The following ANXA10 variants were observed in gnomAD, a reference collection of about 807,000 sequenced individuals.
The protein encoded by ANXA10 is annexin A10.
Under a neutral mutation model 53.5 loss-of-function variants are expected in ANXA10, and 49 were observed. The observed-to-expected ratio is 0.92, with a 90% CI of 0.73 to 1.16. The LOEUF (loss-of-function observed/expected upper bound fraction) is 1.16, where lower values mean the gene tolerates loss of function less well. ANXA10 is among the 50% of genes most tolerant of loss of function. The pLI is 0.00. For missense variants in ANXA10, 393 were observed against 394.4 expected, an observed-to-expected ratio of 1.00 and a Z score of 0.03; for synonymous variants, 131 against 128.9, an observed-to-expected ratio of 1.02 and a Z score of -0.11.
chr4:168,180,356 G>A (rs1421708511), intron 9 of ANXA10, among the ~76,000 whole-genome samples: 1 of 152,138 alleles, frequency 6.6e-6, no homozygotes, highest in Non-Finnish European at 1.5e-5. Context: ...CAGCTGATTA[G>A]CAGCAAAGTT....
intron 3 of ANXA10, among the ~76,000 whole-genome samples, chr4:168,161,948 A>G (rs1228469059): frequency 6.6e-6 from 1 of 152,078 alleles, no homozygotes; most frequent in East Asian, 1.9e-4. Flanking sequence ...AAATATTTTT[A>G]TGTCTGTTTT....
intron 1 of ANXA10, among the ~76,000 whole-genome samples, chr4:168,094,954 C>A (rs980907919): frequency 1.3e-5 from 2 of 152,050 alleles, no homozygotes; most frequent in African/African-American, 4.8e-5. Flanking sequence ...GTAAGACCAT[C>A]TTTCAAAAGC....
intron 1 of ANXA10, among the ~76,000 whole-genome samples, chr4:168,109,595 TAGGCAAGTGACTTTACCA>T (rs1016205414): frequency 6.6e-6 from 1 of 152,190 alleles, no homozygotes; most frequent in African/African-American, 2.4e-5. Context: ...ATTCCCTCTT[TAGGCAAGTGACTTTACCA>T]TTTCCTGAAT....
chr4:168,128,194 A>G, intron 2 of ANXA10, 29 bp downstream of exon 2: 1 of 1,576,366 alleles, frequency 6.3e-7, no homozygotes, highest in Non-Finnish European at 8.7e-7. Context: ...ACCATCTTTT[A>G]TTGTGATTAT....
At chr4:168,097,178 T>C (rs1297331038) in intron 1 of ANXA10, among the ~76,000 whole-genome samples, 1 of 151,994 alleles carries the variant, frequency 6.6e-6, no homozygotes, top group Admixed American at 6.6e-5. Context: ...AAACTTGTAT[T>C]ACACCCATTA....
chr4:168,169,036 T>A (rs1452694451), intron 6 of ANXA10, among the ~76,000 whole-genome samples: 1 of 152,194 alleles, frequency 6.6e-6, no homozygotes, highest in Non-Finnish European at 1.5e-5. Context: ...TCCATGTCAG[T>A]GGAGAAAAGA....
intron 4 of ANXA10, among the ~76,000 whole-genome samples, chr4:168,163,809 G>A (rs1731825827): frequency 6.6e-6 from 1 of 152,056 alleles, no homozygotes; most frequent in South Asian, 2.1e-4. Flanking sequence ...CGGCAAATTA[G>A]AAAACCTGTA....
intron 6 of ANXA10, among the ~76,000 whole-genome samples, chr4:168,174,204 C>T (rs1223780049): frequency 6.6e-6 from 1 of 152,188 alleles, no homozygotes; most frequent in Non-Finnish European, 1.5e-5. Flanking sequence ...TCCCTTCCCA[C>T]TCACCAAGCA....
chr4:168,141,495 C>T (rs909577877), intron 3 of ANXA10, among the ~76,000 whole-genome samples: 1 of 152,214 alleles, frequency 6.6e-6, no homozygotes, highest in Non-Finnish European at 1.5e-5. Flanking sequence ...TTTCACACAT[C>T]ACTTTGCCAC....
At chr4:168,121,870 G>A (rs1730991258) in intron 1 of ANXA10, among the ~76,000 whole-genome samples, 1 of 151,982 alleles carries the variant, frequency 6.6e-6, no homozygotes, top group African/African-American at 2.4e-5. Context: ...CTGAGACGGA[G>A]TCTCACTCTG....
chr4:168,183,009 G>GAAAAAAAAAAAAAAAAAAA (rs747151480), intron 10 of ANXA10, among the ~76,000 whole-genome samples: 10 of 93,356 alleles, frequency 1.1e-4, no homozygotes, highest in East Asian at 4.0e-4. Context: ...CACCGTCTCG[G>GAAAAAAAAAAAAAAAAAAA]AAAAAAAAAA....
intron 1 of ANXA10, among the ~76,000 whole-genome samples, chr4:168,103,989 G>C (rs1456268415): frequency 6.6e-6 from 1 of 151,996 alleles, no homozygotes; most frequent in Non-Finnish European, 1.5e-5. Context: ...GCGCTGGAAA[G>C]GGAGGTGAAG....
At chr4:168,164,529 G>A (rs999607799) in intron 5 of ANXA10, among the ~76,000 whole-genome samples, 6 of 152,030 alleles carry the variant, frequency 3.9e-5, no homozygotes, top group Admixed American at 1.3e-4. Flanking sequence ...GTCTCTATGA[G>A]GTGAATGTTT....
intron 1 of ANXA10, among the ~76,000 whole-genome samples, chr4:168,107,703 T>C (rs538619210): frequency 1.5e-3 from 226 of 152,304 alleles, no homozygotes; most frequent in Admixed American, 3.7e-3. Context: ...GCCCTCTTCC[T>C]GGCTTGCAGA....
intron 2 of ANXA10, among the ~76,000 whole-genome samples, chr4:168,137,759 T>G (rs1298669605): frequency 1.3e-5 from 2 of 152,132 alleles, no homozygotes; most frequent in Non-Finnish European, 2.9e-5. Context: ...GATGCAAATA[T>G]CTTTTTTATA....
intron 1 of ANXA10, among the ~76,000 whole-genome samples, chr4:168,102,937 T>C (rs975055242): frequency 3.3e-5 from 5 of 152,124 alleles, no homozygotes; most frequent in Non-Finnish European, 7.4e-5. Context: ...TCTTTATGGG[T>C]AATGATATTG....
chr4:168,106,275 T>A (rs930572463), intron 1 of ANXA10, among the ~76,000 whole-genome samples: 2 of 152,110 alleles, frequency 1.3e-5, no homozygotes, highest in African/African-American at 4.8e-5. Flanking sequence ...TCAATGATAT[T>A]TTAAAAACAT....
At chr4:168,155,840 T>TA (rs1731632086) in intron 3 of ANXA10, among the ~76,000 whole-genome samples, 2 of 6,168 alleles carry the variant, frequency 3.2e-4, no homozygotes, top group African/African-American at 1.5e-3. Flanking sequence ...ATATATCATA[T>TA]ATAATATAAT....
intron 2 of ANXA10, among the ~76,000 whole-genome samples, chr4:168,131,821 T>G (rs1008130886): frequency 6.6e-6 from 1 of 152,098 alleles, no homozygotes; most frequent in Non-Finnish European, 1.5e-5. Flanking sequence ...CAACTTTCTT[T>G]TGATTGCATT....
Sources: gnomAD v4.1 joint callset for allele counts (sites outside exome capture counted in the v4.1 genomes callset) on GRCh38, gnomAD v4.1.1 for gene constraint, MANE v1.5 for transcripts, NCBI Gene and HGNC (gene_info 2026-07-23, HGNC 2026-07-21) for gene names.